The following FRMD5 variants were observed in gnomAD, a reference collection of about 807,000 sequenced individuals.
FRMD5 encodes FERM domain-containing protein 5.
Under a neutral mutation model 69.0 loss-of-function variants are expected in FRMD5, and 20 were observed. The ratio of observed to expected loss-of-function variants is 0.29; its 90% CI spans 0.20 to 0.42. The LOEUF (loss-of-function observed/expected upper bound fraction) is 0.42. Among genes scored for constraint, FRMD5 ranks in the 10% least tolerant of loss-of-function variants. FRMD5 has a pLI of 1.00. For missense variants in FRMD5, 595 were observed against 708.6 expected (o/e 0.84, Z 1.82); for synonymous variants, 271 against 260.1 (o/e 1.04, Z -0.40).
Position 43,892,007 on chromosome 15 carries a change from T to G in FRMD5, c.702A>C (p.Gly234=), listed in dbSNP as rs1031264281. 1 of 1,614,016 alleles carries G rather than the reference T, an allele frequency of 6.2e-7. No individual in the cohort carries two copies. The highest frequency in any genetic ancestry group is 1.3e-5 in the African/African-American group (1 of 74,912). The change falls in exon 8 of 14, where the codon GGA becomes GGC. Residue 234 remains glycine (G), a synonymous_variant. Coordinates refer to ENST00000417257, the MANE Select transcript of FRMD5 (RefSeq NM_032892.5). ...ATTTAATGAAGTGGACCCTCTTGTT[T>G]CCTTGAAGAACAACAAACCCAAAAG... ...FTPFGFVVLQ[G]NKRVHFIKWN...
intron 1 of FRMD5, among the ~76,000 whole-genome samples, chr15:44,156,768 A>G (rs1036146857): frequency 6.6e-6 from 1 of 152,164 alleles, no homozygotes; most frequent in Non-Finnish European, 1.5e-5. Context: ...TGGTGCTGTA[A>G]TACACATCAG....
intron 1 of FRMD5, among the ~76,000 whole-genome samples, chr15:44,181,328 G>A (rs1430753584): frequency 6.6e-6 from 1 of 151,982 alleles, no homozygotes; most frequent in Non-Finnish European, 1.5e-5. Flanking sequence ...ATGAGCTACT[G>A]TGCCCATCCT....
chr15:44,098,209 G>A (rs949310210), intron 1 of FRMD5, among the ~76,000 whole-genome samples: 1 of 151,860 alleles, frequency 6.6e-6, no homozygotes, highest in Admixed American at 6.6e-5. Context: ...ACTCTTCAAT[G>A]AACAGGAAGC....
chr15:44,012,701 G>A (rs1029319503), intron 1 of FRMD5, among the ~76,000 whole-genome samples: 1 of 151,562 alleles, frequency 6.6e-6, no homozygotes, highest in African/African-American at 2.4e-5. Flanking sequence ...AGTATAATCT[G>A]GGTTTAACAT....
chr15:43,888,998 C>G, intron 8 of FRMD5, 126 bp from the exon 9 acceptor site: 1 of 763,138 alleles, frequency 1.3e-6, no homozygotes, highest in South Asian at 1.6e-5. Flanking sequence ...TAGCCAAAAT[C>G]AGAACTGAAA....
chr15:44,129,967 G>C (rs2077076105), intron 1 of FRMD5, among the ~76,000 whole-genome samples: 1 of 152,174 alleles, frequency 6.6e-6, no homozygotes, highest in Non-Finnish European at 1.5e-5. Context: ...TCAGCTTGGG[G>C]AAGGCCAACC....
intron 1 of FRMD5, among the ~76,000 whole-genome samples, chr15:44,106,072 T>C (rs1043786367): frequency 6.6e-6 from 1 of 152,214 alleles, no homozygotes; most frequent in African/African-American, 2.4e-5. Flanking sequence ...TTCTTGTTTT[T>C]TTCCTAAACA....
Position 44,166,328 on chromosome 15 carries a change from A to C in FRMD5, c.102+28625T>G, listed in dbSNP as rs553369197. Among the ~76,000 whole-genome samples, 6 of 152,312 alleles carry C rather than the reference A, an allele frequency of 3.9e-5. No individual in the cohort carries two copies. The South Asian group carries it at 1.2e-3, about 32-fold the overall frequency. On this transcript the variant is annotated intron_variant, in intron 1 of 13. Coordinates refer to ENST00000417257, the MANE Select transcript of FRMD5 (RefSeq NM_032892.5). ...GGTGGTGGTGATTATTATTAAGGAT[A>C]GTAACCCTTTGGCATATTGGCTGCA... is the stretch of plus-strand genomic sequence containing the variant.
rs1040173708 is a variant in FRMD5 at position 44,188,569 on chromosome 15, T to C, written c.102+6384A>G. Among the ~76,000 whole-genome samples the C allele has an allele frequency of 2.6e-5, 4 of 152,088 alleles. 1 individual carries two copies. The highest frequency in any genetic ancestry group is 9.7e-5 in the African/African-American group (4 of 41,406). On this transcript the variant is annotated intron_variant, in intron 1 of 13. Transcript: ENST00000417257. ...TTGATTCACTAGGTCTGGGATGGGG[T>C]CAAGAATTTGCATTTCTAACAAGTA...
chr15:43,879,678 C>T, intron 13 of FRMD5: 1 of 399,052 alleles, frequency 2.5e-6, no homozygotes. Context: ...CATGGTGGCC[C>T]AGGAAGGCAA....
intron 1 of FRMD5, among the ~76,000 whole-genome samples, chr15:43,932,220 T>G (rs188486892): frequency 3.0e-4 from 46 of 152,310 alleles, no homozygotes; most frequent in Admixed American, 3.0e-3. Flanking sequence ...AATGAGTCAA[T>G]GCACTCAAGG....
intron 13 of FRMD5, among the ~76,000 whole-genome samples, chr15:43,876,769 G>T (rs1195902884): frequency 6.6e-6 from 1 of 152,206 alleles, no homozygotes; most frequent in Non-Finnish European, 1.5e-5. Context: ...TCCCTGGCCA[G>T]CTCCCTCTCT....
At chr15:44,069,774 G>T (rs766688092) in intron 1 of FRMD5, among the ~76,000 whole-genome samples, 1 of 152,244 alleles carries the variant, frequency 6.6e-6, no homozygotes, top group South Asian at 2.1e-4. Context: ...ATATTGTGCT[G>T]CAGTTTTGCA....
At chr15:44,152,488 A>G (rs956272762) in intron 1 of FRMD5, among the ~76,000 whole-genome samples, 25 of 152,216 alleles carry the variant, frequency 1.6e-4, no homozygotes, top group African/African-American at 5.8e-4. Flanking sequence ...TTCTCATACA[A>G]GCCTTGCAGA....
intron 1 of FRMD5, among the ~76,000 whole-genome samples, chr15:44,052,166 C>T (rs1237535156): frequency 6.6e-6 from 1 of 152,184 alleles, no homozygotes; most frequent in African/African-American, 2.4e-5. Flanking sequence ...TCTAGTCTCT[C>T]CAATTTATTC....
At chr15:44,006,016 C>A (rs1366080739) in intron 1 of FRMD5, among the ~76,000 whole-genome samples, 1 of 152,148 alleles carries the variant, frequency 6.6e-6, no homozygotes, top group Non-Finnish European at 1.5e-5. Context: ...GATTAAACAG[C>A]CTTCCACTGG....
chr15:43,891,795 A>T lies in FRMD5; in HGVS notation c.728+186T>A, dbSNP rs574850718. Among the ~76,000 whole-genome samples, 8 of 152,170 alleles carry T rather than the reference A, an allele frequency of 5.3e-5. No individual in the cohort carries two copies. The South Asian group carries it at 1.7e-3, about 32-fold the overall frequency. On this transcript the variant is annotated intron_variant, in intron 8 of 13. Transcript: ENST00000417257. ...GGAGAGGCTGTTGGCTCTCAGGGACACCCCTTTAGAAGAAAAGGATCCCTA... is the reference window on the plus strand; with the variant it reads ...GGAGAGGCTGTTGGCTCTCAGGGACTCCCCTTTAGAAGAAAAGGATCCCTA...
intron 1 of FRMD5, among the ~76,000 whole-genome samples, chr15:44,087,456 A>G (rs1331668913): frequency 1.3e-5 from 2 of 152,186 alleles, no homozygotes; most frequent in African/African-American, 4.8e-5. Context: ...GGTTCCTTTG[A>G]AATATATGAA....
Position 43,873,051 on chromosome 15 carries a change from C to T in FRMD5, c.*834G>A. The T allele has an allele frequency of 1.2e-6, 1 of 837,620 alleles. No homozygotes were observed. Among genetic ancestry groups the T allele is most frequent in the Non-Finnish European group, 1.9e-6 (1 of 522,524 alleles). 51.9% of individuals were successfully genotyped at this position (837,620 alleles called of 1,614,324 possible). A position where few individuals can be genotyped will look rare whatever the true frequency, so the allele number is the denominator to read the frequency against. On this transcript the variant is annotated 3_prime_UTR_variant, in exon 14 of 14. Transcript: ENST00000417257. The stretch of plus-strand genomic sequence containing the variant: ...TGGTACCACTGAATTCGTTTAACGC[C>T]CCTGGAGCACTATAAAAGTCTTGAG...
Sources: allele counts gnomAD v4.1 joint callset (sites outside exome capture counted in the v4.1 genomes callset), GRCh38; gene constraint gnomAD v4.1.1; transcripts MANE v1.5; gene names NCBI Gene and HGNC (gene_info 2026-07-23, HGNC 2026-07-21).